The following POU6F2 variants were observed in gnomAD, a reference collection of about 807,000 sequenced individuals.
The protein encoded by POU6F2 is POU class 6 homeobox 2, also known as POU domain, class 6, transcription factor 2.
Under a neutral mutation model 71.3 loss-of-function variants are expected in POU6F2, and 31 were observed. The ratio of observed to expected loss-of-function variants is 0.43; its 90% confidence interval spans 0.33 to 0.59. The LOEUF (loss-of-function observed/expected upper bound fraction) is 0.59. POU6F2 is among the 20% of genes least tolerant of loss of function. The probability of loss-of-function intolerance (pLI) is 0.04; values close to 1 mark genes in which losing one functional copy is unlikely to be tolerated. For missense variants in POU6F2, 783 were observed against 856.8 expected, an observed-to-expected ratio of 0.91 and a Z score of 1.07; for synonymous variants, 347 against 355.7, an observed-to-expected ratio of 0.98 and a Z score of 0.27.
At chr7:39,452,425 G>A (rs2299122) in intron 8 of POU6F2, among the ~76,000 whole-genome samples, 48,902 of 152,102 alleles carry the variant, frequency 0.32, 8,582 homozygotes, top group East Asian at 0.52. Context: ...GTCACGTTTA[G>A]TGCAGTTTTT....
intron 2 of POU6F2, among the ~76,000 whole-genome samples, chr7:39,177,162 C>T (rs1231470427): frequency 6.6e-6 from 1 of 152,224 alleles, no homozygotes; most frequent in African/African-American, 2.4e-5. Context: ...CAGTGTCCAT[C>T]ATTCAATGTA....
At chr7:39,038,879 A>G (rs1313614419) in intron 1 of POU6F2, among the ~76,000 whole-genome samples, 1 of 151,958 alleles carries the variant, frequency 6.6e-6, no homozygotes, top group Admixed American at 6.6e-5. Context: ...TTACCCCAGT[A>G]TCTCCTTCTG....
chr7:39,002,336 T>TTTTTTGTTG (rs1554305661), intron 1 of POU6F2, among the ~76,000 whole-genome samples: 1 of 144,516 alleles, frequency 6.9e-6, no homozygotes. Context: ...ATTTACAAGT[T>TTTTTTGTTG]TTGTTGTTGT....
At chr7:39,207,064 A>G (rs564996917) in intron 3 of POU6F2, among the ~76,000 whole-genome samples, 47 of 152,340 alleles carry the variant, frequency 3.1e-4, no homozygotes, top group African/African-American at 9.4e-4. Context: ...AACAACAGAG[A>G]ATAAATTAGC....
chr7:39,087,151 A>ATTTATTT (rs1562700883), intron 2 of POU6F2, among the ~76,000 whole-genome samples: 2 of 58,858 alleles, frequency 3.4e-5, no homozygotes, highest in African/African-American at 6.0e-5. Context: ...TTTATTAATT[A>ATTTATTT]ATTAATTAAT....
chr7:39,462,763 C>CAGTA (rs1788979473), intron 9 of POU6F2, among the ~76,000 whole-genome samples: 2 of 152,152 alleles, frequency 1.3e-5, no homozygotes, highest in Admixed American at 1.3e-4. Flanking sequence ...CGTCCTTGAC[C>CAGTA]AGTACTGGAA....
intron 2 of POU6F2, among the ~76,000 whole-genome samples, chr7:39,150,851 T>G (rs190479953): frequency 4.1e-4 from 62 of 152,196 alleles, no homozygotes; most frequent in Admixed American, 1.3e-3. Flanking sequence ...GACTTTTTGA[T>G]AATGGTTATC....
intron 4 of POU6F2, among the ~76,000 whole-genome samples, chr7:39,297,955 A>G (rs987278539): frequency 1.2e-4 from 18 of 152,346 alleles, no homozygotes; most frequent in Admixed American, 1.1e-3. Context: ...AGCCATATGC[A>G]GAAAACTGAA....
At chr7:39,009,113 C>T (rs1356766956) in intron 1 of POU6F2, among the ~76,000 whole-genome samples, 1 of 152,034 alleles carries the variant, frequency 6.6e-6, no homozygotes, top group Non-Finnish European at 1.5e-5. Context: ...TTACCTTGGG[C>T]AGTATGGTCA....
chr7:39,446,012 C>T (rs1012783505), intron 7 of POU6F2, among the ~76,000 whole-genome samples: 1 of 152,196 alleles, frequency 6.6e-6, no homozygotes, highest in Non-Finnish European at 1.5e-5. Context: ...CAGGGTAGAG[C>T]CCAGTGATCT....
At chr7:39,379,671 C>G (rs927104253) in intron 5 of POU6F2, among the ~76,000 whole-genome samples, 4 of 152,140 alleles carry the variant, frequency 2.6e-5, no homozygotes, top group African/African-American at 9.7e-5. Flanking sequence ...TGATTACTAT[C>G]GTTCTCCTTT....
chr7:39,087,245 C>T (rs1791273327), intron 2 of POU6F2, among the ~76,000 whole-genome samples: 1 of 151,576 alleles, frequency 6.6e-6, no homozygotes, highest in Admixed American at 6.6e-5. Flanking sequence ...CAACTCTAGG[C>T]TAGCGTGCTT....
intron 2 of POU6F2, among the ~76,000 whole-genome samples, chr7:39,136,004 T>C (rs1792381111): frequency 6.6e-6 from 1 of 152,178 alleles, no homozygotes; most frequent in South Asian, 2.1e-4. Context: ...GTAGAATATA[T>C]AGTAGCAACT....
At chr7:39,456,869 A>G (rs981372026) in intron 8 of POU6F2, among the ~76,000 whole-genome samples, 14 of 152,260 alleles carry the variant, frequency 9.2e-5, no homozygotes, top group African/African-American at 2.9e-4. Context: ...GGAAACTGTC[A>G]GAGGAAGAAG....
At chr7:39,337,939 T>A (rs558103875) in intron 4 of POU6F2, among the ~76,000 whole-genome samples, 1 of 152,366 alleles carries the variant, frequency 6.6e-6, no homozygotes, top group South Asian at 2.1e-4. Flanking sequence ...GGTTAGGGTC[T>A]GCTGTACCTA....
At chr7:39,233,790 G>T (rs1047368263) in intron 4 of POU6F2, among the ~76,000 whole-genome samples, 2 of 152,118 alleles carry the variant, frequency 1.3e-5, no homozygotes, top group African/African-American at 4.8e-5. Context: ...CTCCAGCATA[G>T]CAGAGTCTTT....
chr7:39,386,099 CAG>C (rs1183513527), intron 5 of POU6F2, among the ~76,000 whole-genome samples: 1 of 136,190 alleles, frequency 7.3e-6, no homozygotes, highest in Non-Finnish European at 1.5e-5. Context: ...GCCTGGGCAA[CAG>C]AGCAAGACTC....
intron 4 of POU6F2, among the ~76,000 whole-genome samples, chr7:39,275,613 A>T (rs1324150105): frequency 6.6e-6 from 1 of 152,216 alleles, no homozygotes; most frequent in Non-Finnish European, 1.5e-5. Context: ...AAGCCAAAAG[A>T]ACAAAGCTGG....
chr7:39,014,368 A>G (rs1789415955), intron 1 of POU6F2, among the ~76,000 whole-genome samples: 2 of 152,240 alleles, frequency 1.3e-5, no homozygotes, highest in Admixed American at 1.3e-4. Flanking sequence ...TCAGGAGAGC[A>G]GATGCTATAA....
Sources: gnomAD v4.1 joint callset for allele counts (sites outside exome capture counted in the v4.1 genomes callset) on GRCh38, gnomAD v4.1.1 for gene constraint, MANE v1.5 for transcripts, NCBI Gene and HGNC (gene_info 2026-07-23, HGNC 2026-07-21) for gene names.